EXOSC10: variants seen among roughly 807,000 people sequenced by gnomAD.
EXOSC10 encodes the protein exosome component 10, also known as exosome complex component 10.
Under a neutral mutation model 126.6 loss-of-function variants are expected in EXOSC10, and 94 were observed. That is an observed-to-expected ratio of 0.74 (90% CI 0.63 to 0.88). The LOEUF is 0.88. Ranked by LOEUF, EXOSC10 falls within the 40% of genes least tolerant of loss-of-function variation. EXOSC10 has a pLI of 0.00. For synonymous variants in EXOSC10, 395 were observed against 400.8 expected (o/e 0.99, Z 0.17); for missense variants, 1,041 against 1,100.5 (o/e 0.95, Z 0.77).
chr1:11,069,244 T>TGTGTGTGTGAGAGAGAGAGAGAGAGA, intron 22 of EXOSC10, among the ~76,000 whole-genome samples: 13 of 116,892 alleles, frequency 1.1e-4, no homozygotes, highest in South Asian at 3.1e-4. Flanking sequence ...TGTGTGTGTG[T>TGTGTGTGTGAGAGAGAGAGAGAGAGA]GAGAGAGAGA....
chr1:11,088,092 C>A (rs745858339), intron 7 of EXOSC10, 31 bp downstream of exon 7: 4 of 1,564,616 alleles, frequency 2.6e-6, no homozygotes, highest in Middle Eastern at 1.7e-4. Flanking sequence ...GGCTACTACA[C>A]GGCACCTTTA....
At chr1:11,087,380 T>G in intron 9 of EXOSC10, 68 bp downstream of exon 9, 2 of 1,573,348 alleles carry the variant, frequency 1.3e-6, no homozygotes, top group Non-Finnish European at 1.7e-6. Context: ...AATAATGAAA[T>G]AGTACACTGA....
In EXOSC10 at chr1:11,068,512, C is replaced by T; in HGVS notation, c.2550+133G>A. On this transcript the variant is annotated intron_variant, in intron 23 of 24. Coordinates refer to ENST00000376936, the MANE Select transcript of EXOSC10 (RefSeq NM_001001998.3). ...GGGTAGCTGATCAGTACTGTCTGCC[C>T]TTGGGAAGAAATGAGGTGAGGAAAA... The T allele has an allele frequency of 5.5e-6, 4 of 733,734 alleles. No homozygotes were observed. In the Admixed American group the frequency reaches 8.8e-5, roughly 16 times the overall value. The allele number at this position is 733,734 out of a possible 1,614,324, so 45.5% of individuals were successfully genotyped here.
At chr1:11,071,756 T>A in intron 20 of EXOSC10, 1 of 222,230 alleles carries the variant, frequency 4.5e-6, no homozygotes, top group Non-Finnish European at 8.9e-6. Flanking sequence ...GCATGCCCAG[T>A]GAACTAGCCC....
chr1:11,079,791 G>C lies in EXOSC10; in HGVS notation c.1669C>G (p.Pro557Ala). The part of the protein sequence containing the change: ...EPQGIIACCN[P>A]VPPLVRQQIN... ...TGCTGCCGCACAAGGGGCGGTACTG[G>C]GTTGCAGCAAGCTATGATGCCCTGA... is the stretch of plus-strand genomic sequence containing the variant. Residue 557 changes from proline (P) to alanine (A), a missense_variant, in exon 14 of 25, where the codon CCA (proline) becomes GCA (alanine). By Grantham distance (27) the Pro-to-Ala change is conservative. Transcript: ENST00000376936. The C allele has an allele frequency of 6.2e-7, 1 of 1,613,642 alleles. No homozygotes were observed. Among genetic ancestry groups the C allele is most frequent in the Non-Finnish European group, 8.5e-7 (1 of 1,179,806 alleles).
At position 11,080,459 on chromosome 1, in the gene EXOSC10, C is replaced by T. The variant is rs751377762; in HGVS notation, c.1637+40G>A. The stretch of plus-strand genomic sequence containing the variant: ...TTGATTTTGAAGAACATCAGATCTA[C>T]TGAGAAAGTCAGAACATATTAATCA... On this transcript the variant is annotated intron_variant, in intron 13 of 24. Transcript: ENST00000376936. 5.0e-6 allele frequency: 8 copies of T among 1,611,282 alleles called. No individual in the cohort carries two copies. In the Admixed American group the frequency reaches 1.3e-4, roughly 27 times the overall value.
intron 20 of EXOSC10, chr1:11,071,304 T>C (rs889177258): frequency 9.5e-6 from 3 of 315,850 alleles, no homozygotes; most frequent in Non-Finnish European, 1.7e-5. Context: ...TCAAACCAGC[T>C]ACTTTGGCTG....
intron 23 of EXOSC10, 174 bp downstream of exon 23, chr1:11,068,471 G>A (rs1015266900): frequency 4.8e-6 from 3 of 622,976 alleles, no homozygotes; most frequent in Middle Eastern, 3.8e-4. Flanking sequence ...TTACAGCCTC[G>A]TTTTATGAGT....
Position 11,091,463 on chromosome 1 carries a change from A to G in EXOSC10, c.477+30T>C, listed in dbSNP as rs774477250. 1.9e-6 allele frequency: 3 copies of G among 1,565,524 alleles called. No homozygotes were observed. In the Admixed American group the frequency reaches 5.2e-5, roughly 27 times the overall value. ...AATCTCTGTTATGAAGCTGACATCA[A>G]GAGCTCTAGTTAATCTGAAAAGCCC... On this transcript the variant is annotated intron_variant, in intron 4 of 24. Coordinates refer to ENST00000376936, the MANE Select transcript of EXOSC10 (RefSeq NM_001001998.3).
intron 9 of EXOSC10, among the ~76,000 whole-genome samples, chr1:11,086,300 C>G (rs1048377783): frequency 6.6e-6 from 1 of 152,076 alleles, no homozygotes; most frequent in African/African-American, 2.4e-5. Context: ...AATTTCAGCT[C>G]CTGTTATTGG....
intron 2 of EXOSC10, among the ~76,000 whole-genome samples, chr1:11,097,617 T>C (rs1392726354): frequency 6.6e-6 from 1 of 151,064 alleles, no homozygotes; most frequent in African/African-American, 2.4e-5. Context: ...TCCCAGCTAC[T>C]CAGGAGGCTG....
At chr1:11,095,995 T>C in intron 2 of EXOSC10, 114 bp from the exon 3 acceptor site, 1 of 1,280,028 alleles carries the variant, frequency 7.8e-7, no homozygotes, top group Admixed American at 2.3e-5. Context: ...CATCTTTTTT[T>C]TTTTTTTTGA....
chr1:11,071,056 C>G, intron 20 of EXOSC10, 83 bp from the exon 21 acceptor site: 1 of 1,316,138 alleles, frequency 7.6e-7, no homozygotes, highest in African/African-American at 1.4e-5. Flanking sequence ...CCGACTTGGC[C>G]TAGCCACAGG....
At chr1:11,074,656 AC>A (rs1466037616) in intron 17 of EXOSC10, among the ~76,000 whole-genome samples, 1 of 151,914 alleles carries the variant, frequency 6.6e-6, no homozygotes, top group Admixed American at 6.6e-5. Context: ...CAAGTGGTCC[AC>A]CCGCCTTGGC....
Position 11,099,740 on chromosome 1 carries a change from T to C in EXOSC10, c.92A>G (p.Asp31Gly), listed in dbSNP as rs750245662. 3.5e-5 allele frequency: 57 copies of C among 1,609,510 alleles called. No individual in the cohort carries two copies. Among genetic ancestry groups the C allele is most frequent in the African/African-American group, 5.4e-5 (4 of 74,412 alleles). The change falls in exon 1 of 25, where the codon GAC becomes GGC. Residue 31 changes from aspartate (D) to glycine (G), a missense_variant. Asp to Gly is a moderately conservative substitution (Grantham distance 94). Coordinates refer to ENST00000376936, the MANE Select transcript of EXOSC10 (RefSeq NM_001001998.3). Reference sequence around the variant, plus strand: ...ACTCACCTTCACAAAGCTGTCGGCGTCCGGGAAGCCTGGCAGCACCATCTC... The same window carrying C: ...ACTCACCTTCACAAAGCTGTCGGCGCCCGGGAAGCCTGGCAGCACCATCTC... ...DGEMVLPGFP[D>G]ADSFVKFALG...
chr1:11,080,402 A>G (rs1055543129), intron 13 of EXOSC10, 97 bp downstream of exon 13: 1 of 1,430,304 alleles, frequency 7.0e-7, no homozygotes, highest in Non-Finnish European at 9.8e-7. Flanking sequence ...ATCTCTGAGT[A>G]AGCAGCCTTG....
rs1641045089 is a variant in EXOSC10, at chr1:11,095,703, G to A, written c.372+55C>T. ...CACTCCAGCCTGGGCGACAGAGCGA[G>A]ACTCCGTCTCAAAAACAAAACAAAA... On this transcript the variant is annotated intron_variant, in intron 3 of 24. Transcript: ENST00000376936. 4 of 1,557,696 alleles carry A rather than the reference G, an allele frequency of 2.6e-6. No individual in the cohort carries two copies. In the South Asian group the frequency reaches 4.5e-5, roughly 17 times the overall value.
At chr1:11,085,934 C>T (rs1026824062) in intron 9 of EXOSC10, among the ~76,000 whole-genome samples, 18 of 151,996 alleles carry the variant, frequency 1.2e-4, no homozygotes, top group African/African-American at 2.4e-4. Flanking sequence ...TATTGATTTG[C>T]GTATGTTGAA....
rs1640117509 is a variant in EXOSC10, at chr1:11,080,746, G to T, written c.1586+18C>A. 1.2e-6 allele frequency: 2 copies of T among 1,613,474 alleles called. No homozygotes were observed. The highest frequency in any genetic ancestry group is 1.3e-5 in the African/African-American group (1 of 74,862). On this transcript the variant is annotated intron_variant, in intron 12 of 24. Coordinates refer to ENST00000376936, the MANE Select transcript of EXOSC10 (RefSeq NM_001001998.3). ...CTCAGTCTGGAAACAAGTATTAAAA[G>T]AACCTCTAATCCCTTACCCGTAACT...
Sources: allele counts gnomAD v4.1 joint callset (sites outside exome capture counted in the v4.1 genomes callset), GRCh38; gene constraint gnomAD v4.1.1; transcripts MANE v1.5; gene names NCBI Gene and HGNC (gene_info 2026-07-23, HGNC 2026-07-21).